The following HNRNPH1 variants were observed in gnomAD, a reference collection of about 807,000 sequenced individuals.
The protein encoded by HNRNPH1 is heterogeneous nuclear ribonucleoprotein H1.
HNRNPH1 carries 4 observed loss-of-function variants against 58.6 expected under a neutral mutation model. The observed-to-expected ratio is 0.07, with a 90% CI of 0.03 to 0.16. The LOEUF is 0.16. Ranked by LOEUF, HNRNPH1 falls within the 10% of genes least tolerant of loss-of-function variation. The pLI, the probability that HNRNPH1 is intolerant of heterozygous loss-of-function variation, is 1.00. For synonymous variants in HNRNPH1, 192 were observed against 189.2 expected, an observed-to-expected ratio of 1.01 and a Z score of -0.12; for missense variants, 271 against 564.2, an observed-to-expected ratio of 0.48 and a Z score of 5.26.
chr5:179,621,887 A>G (rs1409333583), intron 1 of HNRNPH1: 1 of 454,572 alleles, frequency 2.2e-6, no homozygotes, highest in African/African-American at 2.0e-5. Flanking sequence ...TCCAAGTTGC[A>G]CAGCTGAAGC....
At chr5:179,628,967 C>G (rs552646303), upstream of HNRNPH1, among the ~76,000 whole-genome samples, 4 of 151,860 alleles carry the variant, frequency 2.6e-5, no homozygotes, top group African/African-American at 7.3e-5. Flanking sequence ...GGTGACAGAG[C>G]GAGACTGTGC....
At position 179,616,651 on chromosome 5, in the gene HNRNPH1, T is replaced by TCCC. The variant is rs1196001926; in HGVS notation, c.1207+215_1207+217dup. ...TAAGTAGTTTCACTCCGTAGTCCCC[T>TCCC]CCCCCAAGACTACTTAAACCTAATT... On this transcript the variant is annotated intron_variant, in intron 10 of 12. Transcript: ENST00000356731. 1.2e-5 allele frequency: 7 copies of TCCC among 572,082 alleles called. No individual in the cohort carries two copies. In the East Asian group the frequency reaches 2.0e-4, roughly 16 times the overall value. 35.4% of individuals were successfully genotyped at this position (572,082 alleles called of 1,614,324 possible). A position where few individuals can be genotyped will look rare whatever the true frequency, so the allele number is the denominator to read the frequency against.
chr5:179,615,697 A>G, intron 11 of HNRNPH1, 102 bp from the exon 13 acceptor site: 1 of 620,310 alleles, frequency 1.6e-6, no homozygotes, highest in Non-Finnish European at 2.9e-6. Flanking sequence ...TAACTGACTA[A>G]TAAATACGAT....
exon 6 of HNRNPH1, chr5:179,618,038 G>A (rs191656062): frequency 3.1e-6 from 5 of 1,614,064 alleles, no homozygotes; most frequent in Non-Finnish European, 4.2e-6. Flanking sequence ...TATAGCCATT[G>A]TAATCATCAT....
intron 1 of HNRNPH1, 90 bp from the exon 3 acceptor site, chr5:179,621,487 A>T: frequency 9.2e-7 from 1 of 1,087,126 alleles, no homozygotes; most frequent in Non-Finnish European, 1.4e-6. Flanking sequence ...TGTCCCCACT[A>T]CAAATTACAT....
At chr5:179,623,767 G>C (rs1431755682) in exon 1 of HNRNPH1, 1 of 152,474 alleles carries the variant, frequency 6.6e-6, no homozygotes, top group Admixed American at 6.5e-5. Flanking sequence ...GTCACAAAGA[G>C]CTCTGGCGCA....
exon 1 of HNRNPH1, chr5:179,623,823 C>T (rs1435176564): frequency 6.6e-6 from 1 of 152,438 alleles, no homozygotes. Flanking sequence ...CGGATTATTA[C>T]ACGCTTGGGT....
At chr5:179,616,559 C>T in intron 10 of HNRNPH1, 1 of 509,522 alleles carries the variant, frequency 2.0e-6, no homozygotes. Flanking sequence ...TGTCAATACA[C>T]CTAATTATGC....
chr5:179,621,368 T>C, exon 2 of HNRNPH1: 3 of 1,613,986 alleles, frequency 1.9e-6, no homozygotes, highest in South Asian at 1.1e-5. Context: ...ATGAAACGAA[T>C]ACCTTGAGCC....
upstream of HNRNPH1, among the ~76,000 whole-genome samples, chr5:179,628,778 A>G (rs1774580618): frequency 6.6e-6 from 1 of 152,108 alleles, no homozygotes; most frequent in Non-Finnish European, 1.5e-5. Flanking sequence ...CGTCTCTACT[A>G]CATTATCACA....
Position 179,618,141 on chromosome 5 carries a change from G to GT in HNRNPH1, c.715+3dup. The stretch of plus-strand genomic sequence containing the variant: ...CTTGCCGAACCTTACGAATCCTCAC[G>GT]TACCTCCACCATAAGCACCACGCCT... On this transcript the variant is annotated splice_donor_region_variant and intron_variant, in intron 5 of 12. Transcript: ENST00000356731. 1 of 1,613,332 alleles carries GT rather than the reference G, an allele frequency of 6.2e-7. No homozygotes were observed. Among genetic ancestry groups the GT allele is most frequent in the Non-Finnish European group, 8.5e-7 (1 of 1,179,638 alleles).
At chr5:179,618,173 C>G in exon 5 of HNRNPH1, 3 of 1,614,106 alleles carry the variant, frequency 1.9e-6, no homozygotes, top group Non-Finnish European at 2.5e-6. Flanking sequence ...GCCTCATCCT[C>G]TCAAAGCCAG....
At chr5:179,617,706 C>A (rs1050716153) in intron 7 of HNRNPH1, 57 bp from the exon 9 acceptor site, 11 of 1,601,498 alleles carry the variant, frequency 6.9e-6, no homozygotes, top group African/African-American at 6.7e-5. Flanking sequence ...ACAAAAAAAA[C>A]CTAAAATTTC....
chr5:179,631,116 G>T (rs990358774), intron 2 of HNRNPH1, among the ~76,000 whole-genome samples: 1 of 151,990 alleles, frequency 6.6e-6, no homozygotes, highest in Admixed American at 6.6e-5. Flanking sequence ...ATGCATGGGG[G>T]TAGTGGGATG....
At chr5:179,623,409 G>A (rs933470250) in exon 1 of HNRNPH1, 5 of 256,096 alleles carry the variant, frequency 2.0e-5, no homozygotes, top group Non-Finnish European at 3.1e-5. Flanking sequence ...AATGGCGGCG[G>A]CCGCTTCCGC....
In HNRNPH1 at chr5:179,621,612, A is replaced by G. The variant is rs1562300089; in HGVS notation, c.98-215T>C. On this transcript the variant is annotated intron_variant, in intron 1 of 12. Coordinates refer to ENST00000356731, the Ensembl canonical transcript of HNRNPH1. ...ATTTCCAACCCATCAACAACATACAATATTCAAAGCAGTTTCAGAATGAAT... is the reference window on the plus strand; with the variant it reads ...ATTTCCAACCCATCAACAACATACAGTATTCAAAGCAGTTTCAGAATGAAT... The G allele has an allele frequency of 5.3e-6, 3 of 563,714 alleles. No individual in the cohort carries two copies. In the South Asian group the frequency reaches 6.8e-5, roughly 13 times the overall value. 34.9% of individuals were successfully genotyped at this position (563,714 alleles called of 1,614,324 possible).
In HNRNPH1 at chr5:179,630,743, C is replaced by G. The variant is rs1774761766; in HGVS notation, c.-32+3322G>C. 1.4e-4 allele frequency among the ~76,000 whole-genome samples: 22 copies of G among 152,110 alleles called. 1 individual carries two copies. The highest frequency in any genetic ancestry group is 1.4e-3 in the Admixed American group (22 of 15,274). ...TGGTCAACATGGTGAAACCCCGTCT[C>G]TACTAAAAGTACAAAAAATCAGCTG... On this transcript the variant is annotated intron_variant, in intron 2 of 4. Coordinates refer to the HNRNPH1 transcript ENST00000521116.
intron 10 of HNRNPH1, 143 bp downstream of exon 11, chr5:179,616,726 C>T: frequency 1.4e-6 from 1 of 697,292 alleles, no homozygotes; most frequent in Non-Finnish European, 2.4e-6. Flanking sequence ...TTTAAGTAAG[C>T]CAGATACAAA....
At chr5:179,623,356 G>T (rs1439437549) in exon 1 of HNRNPH1, 3 of 373,608 alleles carry the variant, frequency 8.0e-6, no homozygotes, top group Non-Finnish European at 1.5e-5. Context: ...TCGGCGCCCC[G>T]AACCGTGGGG....
Sources: gnomAD v4.1 joint callset for allele counts (sites outside exome capture counted in the v4.1 genomes callset) on GRCh38, gnomAD v4.1.1 for gene constraint, MANE v1.5 for transcripts, NCBI Gene and HGNC (gene_info 2026-07-23, HGNC 2026-07-21) for gene names.